Variants in CCDC191 observed in about 807,000 individuals in gnomAD.
CCDC191 encodes the protein coiled-coil domain-containing protein 191.
A neutral mutation model predicts 114.0 loss-of-function variants in CCDC191; 99 were observed. The observed-to-expected ratio is 0.87, with a 90% CI of 0.74 to 1.03. The LOEUF is 1.03. Among genes scored for constraint, CCDC191 ranks in the 50% least tolerant of loss-of-function variants. The pLI is 0.00. For missense variants in CCDC191, 973 were observed against 1,087.0 expected (o/e 0.90, Z 1.47); for synonymous variants, 351 against 376.0 (o/e 0.93, Z 0.77).
intron 6 of CCDC191, among the ~76,000 whole-genome samples, chr3:114,033,424 T>C (rs954973701): frequency 1.3e-5 from 2 of 152,222 alleles, no homozygotes; most frequent in Non-Finnish European, 2.9e-5. Context: ...ATAATTTTCT[T>C]AGGGCAGTTT....
At chr3:114,051,142 A>G (rs889447895) in intron 2 of CCDC191, among the ~76,000 whole-genome samples, 3 of 152,046 alleles carry the variant, frequency 2.0e-5, no homozygotes, top group African/African-American at 4.8e-5. Context: ...GGTTCACAAC[A>G]TTTTCCATTG....
intron 7 of CCDC191, 63 bp downstream of exon 7, chr3:114,031,563 C>A: frequency 7.4e-7 from 1 of 1,351,084 alleles, no homozygotes. Context: ...TATCCCATCT[C>A]TGATGGAGCT....
rs1553751119 is a variant in CCDC191 at position 114,027,618 on chromosome 3, A to AG, written c.972+4007_972+4008insC. Among the ~76,000 whole-genome samples the AG allele has an allele frequency of 1.7e-3, 247 of 148,856 alleles. 1 individual carries two copies. Among genetic ancestry groups the AG allele is most frequent in the African/African-American group, 5.9e-3 (241 of 41,094 alleles). ...CTCTGTCTCAAAAAAAAAAAAAAAA[A>AG]AAAAGAAAAAAAAATCCAGAATTAA... On this transcript the variant is annotated intron_variant, in intron 7 of 16. Transcript: ENST00000295878.
intron 2 of CCDC191, among the ~76,000 whole-genome samples, chr3:114,050,116 G>GTT (rs1207159748): frequency 6.6e-6 from 1 of 152,188 alleles, no homozygotes; most frequent in African/African-American, 2.4e-5. Flanking sequence ...TAGTAACTAT[G>GTT]TTATATATAA....
intron 14 of CCDC191, among the ~76,000 whole-genome samples, chr3:113,979,534 CTGAG>C (rs1226126600): frequency 1.3e-5 from 2 of 152,206 alleles, no homozygotes; most frequent in Non-Finnish European, 2.9e-5. Context: ...GTCTTTTCAA[CTGAG>C]TATCATTCTA....
intron 7 of CCDC191, among the ~76,000 whole-genome samples, chr3:114,024,424 ACAATAG>A (rs1310776117): frequency 1.3e-5 from 2 of 152,206 alleles, no homozygotes; most frequent in Non-Finnish European, 2.9e-5. Flanking sequence ...GGCACTATTC[ACAATAG>A]CAAAGACTTG....
intron 2 of CCDC191, among the ~76,000 whole-genome samples, chr3:114,048,142 T>C (rs149552052): frequency 3.8e-4 from 58 of 152,158 alleles, no homozygotes; most frequent in Non-Finnish European, 7.6e-4. Flanking sequence ...TCTCTCTCTT[T>C]CTCACCCCAC....
chr3:114,053,833 G>C (rs2076729968), intron 1 of CCDC191, among the ~76,000 whole-genome samples, 198 bp from the exon 2 acceptor site: 1 of 152,044 alleles, frequency 6.6e-6, no homozygotes, highest in African/African-American at 2.4e-5. Flanking sequence ...AGCCTTCCTG[G>C]GACACTGATT....
intron 7 of CCDC191, among the ~76,000 whole-genome samples, chr3:114,028,631 T>C (rs1263417961): frequency 6.6e-6 from 1 of 151,880 alleles, no homozygotes; most frequent in Non-Finnish European, 1.5e-5. Flanking sequence ...AATAAGTAAA[T>C]ATAATAGAGA....
intron 13 of CCDC191, among the ~76,000 whole-genome samples, chr3:113,990,931 C>CAAA (rs35483860): frequency 1.1e-3 from 52 of 47,552 alleles, no homozygotes; most frequent in Non-Finnish European, 1.2e-3. Context: ...TAAAGCACCT[C>CAAA]AAAAAAAAAA....
At chr3:114,023,063 TAACA>T (rs1447915103) in intron 7 of CCDC191, among the ~76,000 whole-genome samples, 12 of 151,532 alleles carry the variant, frequency 7.9e-5, no homozygotes, top group Non-Finnish European at 1.5e-4. Flanking sequence ...TATACACCAA[TAACA>T]AACAGAGAGC....
chr3:113,985,470 G>C (rs903020616), intron 13 of CCDC191, among the ~76,000 whole-genome samples: 1 of 152,036 alleles, frequency 6.6e-6, no homozygotes, highest in Non-Finnish European at 1.5e-5. Context: ...TACCCACTGC[G>C]GATAAAGGGA....
intron 13 of CCDC191, among the ~76,000 whole-genome samples, chr3:113,981,653 T>A (rs2075155527): frequency 6.6e-6 from 1 of 152,174 alleles, no homozygotes; most frequent in Admixed American, 6.6e-5. Context: ...GATTTCACAT[T>A]AGGAAAAGGG....
intron 9 of CCDC191, among the ~76,000 whole-genome samples, chr3:114,010,551 G>A (rs887295056): frequency 2.6e-5 from 4 of 152,080 alleles, no homozygotes; most frequent in Non-Finnish European, 4.4e-5. Context: ...ATGCCCTTTC[G>A]ATATTAAATC....
intron 8 of CCDC191, among the ~76,000 whole-genome samples, chr3:114,018,250 T>C (rs904411871): frequency 2.0e-5 from 3 of 152,246 alleles, no homozygotes; most frequent in Non-Finnish European, 4.4e-5. Context: ...CAGGGTACAA[T>C]GCTACTACAC....
intron 4 of CCDC191, among the ~76,000 whole-genome samples, chr3:114,040,016 C>T (rs1444890287): frequency 6.6e-6 from 1 of 152,224 alleles, no homozygotes; most frequent in Non-Finnish European, 1.5e-5. Context: ...TAACCCAGAG[C>T]AGCTTCCTGC....
intron 7 of CCDC191, among the ~76,000 whole-genome samples, chr3:114,023,435 T>G (rs1205726839): frequency 6.6e-6 from 1 of 152,084 alleles, no homozygotes; most frequent in Non-Finnish European, 1.5e-5. Context: ...TGGAGGCATC[T>G]CACTACCTGA....
chr3:114,023,941 T>G (rs988767978), intron 7 of CCDC191, among the ~76,000 whole-genome samples: 9 of 151,862 alleles, frequency 5.9e-5, no homozygotes, highest in African/African-American at 1.9e-4. Context: ...GGGAGAAAAT[T>G]TTTGCAATCT....
chr3:114,033,717 G>C (rs2076440960), intron 6 of CCDC191, among the ~76,000 whole-genome samples: 1 of 152,158 alleles, frequency 6.6e-6, no homozygotes, highest in South Asian at 2.1e-4. Flanking sequence ...CAGGGCTTGG[G>C]AGCAATATGA....
Sources: allele counts gnomAD v4.1 joint callset (sites outside exome capture counted in the v4.1 genomes callset), GRCh38; gene constraint gnomAD v4.1.1; transcripts MANE v1.5; gene names NCBI Gene and HGNC (gene_info 2026-07-23, HGNC 2026-07-21).